ADK: variants seen among roughly 807,000 people sequenced by gnomAD.
The protein encoded by ADK is adenosine kinase.
Under a neutral mutation model 44.7 loss-of-function variants are expected in ADK, and 24 were observed. The observed-to-expected ratio is 0.54, with a 90% confidence interval of 0.39 to 0.76. The LOEUF is 0.76. Ranked by LOEUF, ADK falls within the 30% of genes least tolerant of loss-of-function variation. ADK has a pLI of 0.00. For missense variants in ADK, 321 were observed against 425.1 expected (o/e 0.76, Z 2.15); for synonymous variants, 128 against 142.6 (o/e 0.90, Z 0.73).
chr10:74,637,448 G>T (rs1564830634), intron 9 of ADK, among the ~76,000 whole-genome samples: 1 of 152,174 alleles, frequency 6.6e-6, no homozygotes, highest in Non-Finnish European at 1.5e-5. Flanking sequence ...TAAAGACCTG[G>T]TTCTATATAA....
chr10:74,463,668 C>A (rs1289627820), intron 6 of ADK, among the ~76,000 whole-genome samples: 2 of 152,002 alleles, frequency 1.3e-5, no homozygotes, highest in African/African-American at 4.8e-5. Context: ...GGTTGGGGAC[C>A]CTTGTTTTAT....
intron 9 of ADK, among the ~76,000 whole-genome samples, chr10:74,631,992 C>T (rs1008919939): frequency 3.3e-5 from 5 of 152,018 alleles, no homozygotes; most frequent in Admixed American, 1.3e-4. Context: ...ACACACCATA[C>T]AATTTCCTTA....
chr10:74,694,147 A>ATTTTTTTTTTTTTTTTTTT (rs10669118), intron 10 of ADK, among the ~76,000 whole-genome samples: 49 of 82,300 alleles, frequency 6.0e-4, no homozygotes, highest in Non-Finnish European at 7.2e-4. Flanking sequence ...TTTCAAACAC[A>ATTTTTTTTTTTTTTTTTTT]TTTTTTTTTT....
chr10:74,243,565 T>C (rs1214837776), intron 3 of ADK, among the ~76,000 whole-genome samples: 2 of 152,230 alleles, frequency 1.3e-5, no homozygotes, highest in Non-Finnish European at 2.9e-5. Flanking sequence ...TTTCAGTTGC[T>C]TATTTAGACA....
intron 4 of ADK, chr10:74,372,106 A>G (rs1453545648): frequency 1.1e-5 from 8 of 750,390 alleles, no homozygotes; most frequent in East Asian, 7.4e-5. Flanking sequence ...ACCATTTCCC[A>G]TGAACACCCA....
At chr10:74,202,465 C>G (rs1564590159) in intron 2 of ADK, among the ~76,000 whole-genome samples, 1 of 152,080 alleles carries the variant, frequency 6.6e-6, no homozygotes, top group East Asian at 1.9e-4. Context: ...TTTCATTTCT[C>G]TTGGGTATAC....
intron 3 of ADK, among the ~76,000 whole-genome samples, chr10:74,262,881 A>G (rs978457543): frequency 1.3e-5 from 2 of 152,206 alleles, no homozygotes; most frequent in African/African-American, 4.8e-5. Flanking sequence ...GTTTTCATGA[A>G]TACATTTACT....
chr10:74,522,067 T>A (rs1030556296), intron 6 of ADK, among the ~76,000 whole-genome samples: 6 of 152,178 alleles, frequency 3.9e-5, no homozygotes, highest in African/African-American at 1.4e-4. Flanking sequence ...GCAAGGGTCA[T>A]GACTGAACCC....
intron 4 of ADK, among the ~76,000 whole-genome samples, chr10:74,358,440 A>G (rs1043984854): frequency 3.2e-4 from 49 of 152,218 alleles, no homozygotes; most frequent in African/African-American, 1.2e-3. Flanking sequence ...TTTTATTCTC[A>G]AAGGTACCTA....
At chr10:74,636,069 C>T (rs1010610940) in intron 9 of ADK, among the ~76,000 whole-genome samples, 1 of 151,402 alleles carries the variant, frequency 6.6e-6, no homozygotes, top group Non-Finnish European at 1.5e-5. Context: ...CCAGCCTTGG[C>T]AACAGAGTGA....
At chr10:74,322,212 A>G (rs1017073282) in intron 4 of ADK, among the ~76,000 whole-genome samples, 1 of 152,224 alleles carries the variant, frequency 6.6e-6, no homozygotes, top group African/African-American at 2.4e-5. Flanking sequence ...ATGTAAATTT[A>G]AAAAGAAGAA....
chr10:74,152,189 A>C (rs938566643), intron 1 of ADK, among the ~76,000 whole-genome samples: 4 of 152,222 alleles, frequency 2.6e-5, no homozygotes, highest in Non-Finnish European at 5.9e-5. Flanking sequence ...CATTTCTTCC[A>C]GTATCACTCT....
At chr10:74,527,348 A>G (rs1403824968) in intron 7 of ADK, among the ~76,000 whole-genome samples, 2 of 148,252 alleles carry the variant, frequency 1.3e-5, no homozygotes, top group African/African-American at 5.1e-5. Flanking sequence ...ACAGAGCGAG[A>G]CTCCGTCTCA....
At chr10:74,533,623 A>G (rs1266234191) in intron 7 of ADK, among the ~76,000 whole-genome samples, 2 of 152,262 alleles carry the variant, frequency 1.3e-5, no homozygotes, top group African/African-American at 4.8e-5. Flanking sequence ...CACGGCTATT[A>G]GAATGTCTGA....
At chr10:74,223,553 A>T (rs1028361589) in intron 2 of ADK, among the ~76,000 whole-genome samples, 2 of 152,158 alleles carry the variant, frequency 1.3e-5, no homozygotes, top group Non-Finnish European at 2.9e-5. Context: ...TTTAAATTTT[A>T]TGAAAGGGTT....
chr10:74,550,317 C>T (rs761681790), intron 7 of ADK, among the ~76,000 whole-genome samples: 11 of 151,998 alleles, frequency 7.2e-5, no homozygotes, highest in East Asian at 1.9e-4. Flanking sequence ...GCGATCCTCC[C>T]GCCTCAGCCT....
At chr10:74,509,065 C>T (rs1848194855) in intron 6 of ADK, among the ~76,000 whole-genome samples, 1 of 152,204 alleles carries the variant, frequency 6.6e-6, no homozygotes, top group African/African-American at 2.4e-5. Flanking sequence ...CCTGGCCTCA[C>T]CCTATCCTCC....
chr10:74,600,481 A>G lies in ADK; in HGVS notation c.865A>G (p.Ile289Val), dbSNP rs541758866. 8.1e-6 allele frequency: 13 copies of G among 1,607,978 alleles called. No homozygotes were observed. Among genetic ancestry groups the G allele is most frequent in the African/African-American group, 6.7e-5 (5 of 74,818 alleles). ...VIFTQGRDDT[I>V]MATESEVTAF... is the part of the protein sequence containing the mutation. Reference sequence around the variant, plus strand: ...CTTCACCCAAGGGAGAGATGACACTATAATGGCTACAGGTACATGTGGGAA... The same window carrying G: ...CTTCACCCAAGGGAGAGATGACACTGTAATGGCTACAGGTACATGTGGGAA... Residue 289 changes from isoleucine (I) to valine (V), a missense_variant, in exon 9 of 11, where the codon ATA (isoleucine) becomes GTA (valine). Transcript: ENST00000539909.
At chr10:74,640,713 T>G (rs1853813212) in intron 9 of ADK, among the ~76,000 whole-genome samples, 1 of 152,242 alleles carries the variant, frequency 6.6e-6, no homozygotes, top group Non-Finnish European at 1.5e-5. Context: ...TGAAAACAGC[T>G]GTATATAAAC....
Sources: allele counts gnomAD v4.1 joint callset (sites outside exome capture counted in the v4.1 genomes callset), GRCh38; gene constraint gnomAD v4.1.1; transcripts MANE v1.5; gene names NCBI Gene and HGNC (gene_info 2026-07-23, HGNC 2026-07-21).